PITPNC1: variants seen among roughly 807,000 people sequenced by gnomAD.
PITPNC1 encodes phosphatidylinositol transfer protein cytoplasmic 1.
PITPNC1 carries 18 observed loss-of-function variants against 44.7 expected under a neutral mutation model. The ratio of observed to expected loss-of-function variants is 0.40; its 90% CI spans 0.28 to 0.60. The LOEUF is 0.60. Ranked by LOEUF, PITPNC1 falls within the 20% of genes least tolerant of loss-of-function variation. The probability of loss-of-function intolerance (pLI) is 0.39; values close to 1 mark genes in which losing one functional copy is unlikely to be tolerated. For missense variants in PITPNC1, 290 were observed against 418.4 expected, an observed-to-expected ratio of 0.69 and a Z score of 2.68; for synonymous variants, 141 against 149.6, an observed-to-expected ratio of 0.94 and a Z score of 0.42.
rs1219049449 is a variant in PITPNC1, at chr17:67,522,657, A to ATTTTTTTTTTTTTTTTTTTTTTTTTTTT, written c.49-10144_49-10143insTTTTTTTTTTTTTTTTTTTTTTTTTTTT. On this transcript the variant is annotated intron_variant, in intron 1 of 8. Coordinates refer to ENST00000581322, the MANE Select transcript of PITPNC1 (RefSeq NM_012417.4). ...ACATATCATAAAATTTACCATTTTA[A>ATTTTTTTTTTTTTTTTTTTTTTTTTTTT]TCTTTTTTTTTTTTTTGGAAAATGA... Among the ~76,000 whole-genome samples, 11 of 59,954 alleles carry ATTTTTTTTTTTTTTTTTTTTTTTTTTTT rather than the reference A, an allele frequency of 1.8e-4. 1 individual carries two copies. The highest frequency in any genetic ancestry group is 1.0e-3 in the African/African-American group (10 of 9,992). 39.3% of individuals were successfully genotyped at this position (59,954 alleles called of 152,430 possible).
chr17:67,550,888 C>T (rs998063669), intron 2 of PITPNC1, among the ~76,000 whole-genome samples: 11 of 152,000 alleles, frequency 7.2e-5, no homozygotes, highest in Non-Finnish European at 1.3e-4. Context: ...GGTGAAACCC[C>T]GTCTCTACTA....
chr17:67,525,475 G>C (rs2040380471), intron 1 of PITPNC1: 1 of 152,350 alleles, frequency 6.6e-6, no homozygotes, highest in Middle Eastern at 3.4e-3. Flanking sequence ...CATTAGACTA[G>C]AACATTTGTC....
intron 1 of PITPNC1, among the ~76,000 whole-genome samples, chr17:67,427,561 GA>G (rs1168973583): frequency 6.6e-6 from 1 of 152,150 alleles, no homozygotes. Flanking sequence ...CTCCTCACAA[GA>G]GTGAGTGAGC....
chr17:67,390,366 TC>T (rs1395250631), intron 1 of PITPNC1, among the ~76,000 whole-genome samples: 1 of 151,808 alleles, frequency 6.6e-6, no homozygotes, highest in Non-Finnish European at 1.5e-5. Context: ...TCCTTAGGAG[TC>T]CCCACAAGGG....
chr17:67,639,924 A>C (rs1370954581), intron 6 of PITPNC1, among the ~76,000 whole-genome samples: 1 of 152,012 alleles, frequency 6.6e-6, no homozygotes, highest in Non-Finnish European at 1.5e-5. Context: ...CATCCAAATC[A>C]CTCGGCTCCC....
At chr17:67,459,878 C>T (rs2039311214) in intron 1 of PITPNC1, 1 of 152,202 alleles carries the variant, frequency 6.6e-6, no homozygotes, top group African/African-American at 2.4e-5. Context: ...TAAATCCAGA[C>T]AGACCTGTAA....
At chr17:67,636,962 G>A (rs2042040419) in intron 6 of PITPNC1, among the ~76,000 whole-genome samples, 1 of 152,154 alleles carries the variant, frequency 6.6e-6, no homozygotes, top group African/African-American at 2.4e-5. Flanking sequence ...AGCTCACACA[G>A]GACTCCCCCT....
chr17:67,456,813 T>C (rs1390343510), intron 1 of PITPNC1, among the ~76,000 whole-genome samples: 1 of 152,212 alleles, frequency 6.6e-6, no homozygotes, highest in Non-Finnish European at 1.5e-5. Flanking sequence ...TCTGAAAATA[T>C]ATACTTTAGT....
intron 6 of PITPNC1, among the ~76,000 whole-genome samples, chr17:67,646,988 G>T (rs754272099): frequency 6.6e-6 from 1 of 152,144 alleles, no homozygotes; most frequent in Non-Finnish European, 1.5e-5. Flanking sequence ...GGTAAAGCTA[G>T]ACGTACAAAC....
chr17:67,405,575 G>A (rs1009113635), intron 1 of PITPNC1, among the ~76,000 whole-genome samples: 2 of 151,544 alleles, frequency 1.3e-5, no homozygotes, highest in Non-Finnish European at 2.9e-5. Flanking sequence ...AGAATGTTAC[G>A]AGTTTACTCA....
chr17:67,540,726 G>C (rs1027611428), intron 2 of PITPNC1, among the ~76,000 whole-genome samples: 1 of 152,086 alleles, frequency 6.6e-6, no homozygotes, highest in Non-Finnish European at 1.5e-5. Flanking sequence ...AATAACAAAA[G>C]GTACAGATGA....
intron 1 of PITPNC1, among the ~76,000 whole-genome samples, chr17:67,498,106 G>A (rs2039980142): frequency 6.6e-6 from 1 of 152,122 alleles, no homozygotes; most frequent in Admixed American, 6.5e-5. Flanking sequence ...CTGAGCTCAA[G>A]TGATCCACCC....
rs142063825 is a variant in PITPNC1, at chr17:67,421,847, C to T, written c.48+43645C>T. On this transcript the variant is annotated intron_variant, in intron 1 of 8. Coordinates refer to ENST00000581322, the MANE Select transcript of PITPNC1 (RefSeq NM_012417.4). The stretch of plus-strand genomic sequence containing the variant: ...TATTTATCAAGTTCTGGGAATACAG[C>T]GGCGAATAAGCCACCAAATCCTTCC... Among the ~76,000 whole-genome samples the T allele has an allele frequency of 3.8e-3, 585 of 152,254 alleles. 10 individuals carry two copies. The highest frequency in any genetic ancestry group is 3.9e-3 in the Non-Finnish European group (262 of 68,026).
chr17:67,584,905 G>C (rs1464611674), intron 5 of PITPNC1, among the ~76,000 whole-genome samples: 2 of 151,716 alleles, frequency 1.3e-5, no homozygotes, highest in Non-Finnish European at 2.9e-5. Context: ...ACCTGAGGTC[G>C]GGAGTTCGAG....
intron 4 of PITPNC1, among the ~76,000 whole-genome samples, chr17:67,573,913 T>G (rs976456226): frequency 6.6e-6 from 1 of 152,150 alleles, no homozygotes; most frequent in African/African-American, 2.4e-5. Flanking sequence ...AGATACGGAA[T>G]TGATTATAGA....
chr17:67,466,382 C>T (rs1365186842), intron 1 of PITPNC1, among the ~76,000 whole-genome samples: 2 of 152,128 alleles, frequency 1.3e-5, no homozygotes, highest in African/African-American at 2.4e-5. Context: ...GTGGGCCTCC[C>T]ACAGGTGGAG....
intron 1 of PITPNC1, among the ~76,000 whole-genome samples, chr17:67,407,982 G>A (rs2038426005): frequency 6.6e-6 from 1 of 151,866 alleles, no homozygotes; most frequent in African/African-American, 2.4e-5. Flanking sequence ...TTGAGACAGA[G>A]TCTTGCTCTG....
chr17:67,491,351 C>T (rs970402816), intron 1 of PITPNC1, among the ~76,000 whole-genome samples: 17 of 152,310 alleles, frequency 1.1e-4, no homozygotes, highest in African/African-American at 3.8e-4. Context: ...AATGCCGGGC[C>T]GTTCATTAAG....
rs901163743 is a variant in PITPNC1, at chr17:67,696,943, G to C, written c.*4055G>C. 1 of 152,208 alleles carries C rather than the reference G, an allele frequency of 6.6e-6. No individual in the cohort carries two copies. The highest frequency in any genetic ancestry group is 1.9e-4 in the East Asian group (1 of 5,206). 9.4% of individuals were successfully genotyped at this position (152,208 alleles called of 1,614,324 possible). A position where few individuals can be genotyped will look rare whatever the true frequency, so the allele number is the denominator to read the frequency against. On this transcript the variant is annotated 3_prime_UTR_variant, in exon 9 of 9. Transcript: ENST00000581322. ...CCCTTCAGTTTCTATATATCACCCAGGAGAGGGTCTCTGAGTTGGTGTTGT... is the reference window on the plus strand; with the variant it reads ...CCCTTCAGTTTCTATATATCACCCACGAGAGGGTCTCTGAGTTGGTGTTGT...
Sources: gnomAD v4.1 joint callset for allele counts (sites outside exome capture counted in the v4.1 genomes callset) on GRCh38, gnomAD v4.1.1 for gene constraint, MANE v1.5 for transcripts, NCBI Gene and HGNC (gene_info 2026-07-23, HGNC 2026-07-21) for gene names.